The following DNER variants were observed in gnomAD, a reference collection of about 807,000 sequenced individuals.
DNER encodes the protein delta and Notch-like epidermal growth factor-related receptor.
Under a neutral mutation model 78.2 loss-of-function variants are expected in DNER, and 33 were observed. The ratio of observed to expected loss-of-function variants is 0.42; its 90% CI spans 0.32 to 0.56. The LOEUF (loss-of-function observed/expected upper bound fraction) is 0.56, where lower values mean the gene tolerates loss of function less well. Ranked by LOEUF, DNER falls within the 20% of genes least tolerant of loss-of-function variation. DNER has a pLI of 0.11. For missense variants in DNER, 918 were observed against 975.3 expected (o/e 0.94, Z 0.78); for synonymous variants, 417 against 384.8 (o/e 1.08, Z -0.98).
At chr2:229,483,519 T>C (rs1382363262) in intron 6 of DNER, among the ~76,000 whole-genome samples, 4 of 152,214 alleles carry the variant, frequency 2.6e-5, no homozygotes, top group African/African-American at 4.8e-5. Flanking sequence ...TGGTTTTTGA[T>C]TGATGAATTT....
At chr2:229,613,822 C>A (rs1698096577) in intron 1 of DNER, among the ~76,000 whole-genome samples, 1 of 152,124 alleles carries the variant, frequency 6.6e-6, no homozygotes, top group South Asian at 2.1e-4. Context: ...CATAGAGTAT[C>A]AAGCCCCCAA....
At chr2:229,657,038 C>T (rs1698925053) in intron 1 of DNER, among the ~76,000 whole-genome samples, 1 of 148,490 alleles carries the variant, frequency 6.7e-6, no homozygotes, top group Non-Finnish European at 1.5e-5. Context: ...GATCTACCCT[C>T]TTAGCACATT....
intron 7 of DNER, among the ~76,000 whole-genome samples, chr2:229,459,726 G>A (rs535925117): frequency 1.3e-5 from 2 of 152,078 alleles, no homozygotes; most frequent in South Asian, 4.1e-4. Context: ...TTGACAAGTC[G>A]AAAACGCCGT....
intron 9 of DNER, among the ~76,000 whole-genome samples, chr2:229,416,946 G>A (rs1299163027): frequency 6.6e-6 from 1 of 152,196 alleles, no homozygotes; most frequent in African/African-American, 2.4e-5. Flanking sequence ...GGAGCAAGGG[G>A]AAAGAAGGAG....
At chr2:229,613,064 A>C (rs1310265816) in intron 1 of DNER, among the ~76,000 whole-genome samples, 2 of 152,222 alleles carry the variant, frequency 1.3e-5, no homozygotes. Context: ...AATGTCCAAC[A>C]TGAGATACTG....
At chr2:229,390,329 A>G (rs879853266) in intron 10 of DNER, among the ~76,000 whole-genome samples, 1 of 152,238 alleles carries the variant, frequency 6.6e-6, no homozygotes, top group Non-Finnish European at 1.5e-5. Context: ...TCCAATGTCA[A>G]TGACATATGC....
At chr2:229,505,828 G>A (rs920895648) in intron 6 of DNER, among the ~76,000 whole-genome samples, 2 of 152,140 alleles carry the variant, frequency 1.3e-5, no homozygotes, top group African/African-American at 4.8e-5. Flanking sequence ...AATGCACAAA[G>A]GCACCTATAT....
chr2:229,537,101 G>A (rs143095124), intron 5 of DNER, among the ~76,000 whole-genome samples: 15 of 152,220 alleles, frequency 9.9e-5, no homozygotes, highest in East Asian at 3.9e-4. Context: ...CATTGCTTGC[G>A]TAGCATCTCG....
chr2:229,597,663 C>A (rs1324764275), intron 1 of DNER, among the ~76,000 whole-genome samples: 1 of 151,988 alleles, frequency 6.6e-6, no homozygotes, highest in Admixed American at 6.6e-5. Context: ...TTTGTAATAC[C>A]AGCTATAATA....
At chr2:229,389,396 TGAAGA>T (rs1251318964) in intron 10 of DNER, among the ~76,000 whole-genome samples, 1 of 147,228 alleles carries the variant, frequency 6.8e-6, no homozygotes, top group Non-Finnish European at 1.5e-5. Flanking sequence ...TCATTAAAGC[TGAAGA>T]GAAGAGGATA....
chr2:229,370,780 G>A (rs1051388492), intron 11 of DNER, among the ~76,000 whole-genome samples: 15 of 152,112 alleles, frequency 9.9e-5, no homozygotes, highest in Admixed American at 7.2e-4. Flanking sequence ...CCTCCAACTC[G>A]GTAGAGTGCT....
intron 1 of DNER, among the ~76,000 whole-genome samples, chr2:229,647,707 T>C (rs1698743171): frequency 3.3e-5 from 5 of 152,252 alleles, no homozygotes; most frequent in Admixed American, 2.0e-4. Flanking sequence ...AATTACAATA[T>C]ATCTGGATGA....
intron 4 of DNER, among the ~76,000 whole-genome samples, chr2:229,560,991 A>T (rs1220149750): frequency 6.6e-6 from 1 of 152,130 alleles, no homozygotes; most frequent in African/African-American, 2.4e-5. Flanking sequence ...CCAGGATTTC[A>T]TGTAGAGTAT....
intron 1 of DNER, among the ~76,000 whole-genome samples, chr2:229,601,345 C>T (rs1486578410): frequency 6.6e-6 from 1 of 152,096 alleles, no homozygotes; most frequent in Non-Finnish European, 1.5e-5. Flanking sequence ...AAAAAAAAAT[C>T]ACTATAGTGC....
rs889393802 is a variant in DNER at position 229,586,847 on chromosome 2, C to T, written c.681-823G>A. 1.8e-5 allele frequency: 18 copies of T among 985,458 alleles called. No homozygotes were observed. In the Admixed American group the frequency reaches 3.7e-4, roughly 20 times the overall value. The allele number at this position is 985,458 out of a possible 1,614,324, so 61.0% of individuals were successfully genotyped here. ...AGATCACAGTAGACTCCGCACAGATCCGCTCCCCCAGCACAGGGCTCCTGG... is the reference window on the plus strand; with the variant it reads ...AGATCACAGTAGACTCCGCACAGATTCGCTCCCCCAGCACAGGGCTCCTGG... On this transcript the variant is annotated intron_variant, in intron 3 of 12. Coordinates refer to ENST00000341772, the MANE Select transcript of DNER (RefSeq NM_139072.4).
chr2:229,525,080 T>C (rs1480882034), intron 5 of DNER, among the ~76,000 whole-genome samples: 1 of 152,186 alleles, frequency 6.6e-6, no homozygotes, highest in Non-Finnish European at 1.5e-5. Flanking sequence ...CTCATTCCCA[T>C]GGGGCTCTTT....
At chr2:229,551,422 T>A (rs1476329431) in intron 4 of DNER, among the ~76,000 whole-genome samples, 10 of 150,276 alleles carry the variant, frequency 6.7e-5, no homozygotes, top group African/African-American at 2.5e-4. Context: ...TCACCTGAGG[T>A]CAGGATTTCA....
At chr2:229,367,487 G>A (rs969710858) in intron 11 of DNER, among the ~76,000 whole-genome samples, 2 of 152,128 alleles carry the variant, frequency 1.3e-5, no homozygotes, top group Non-Finnish European at 2.9e-5. Flanking sequence ...TGTAATCCCA[G>A]CTACTCGGGA....
intron 1 of DNER, among the ~76,000 whole-genome samples, chr2:229,599,731 T>C (rs1335816498): frequency 6.6e-6 from 1 of 152,196 alleles, no homozygotes; most frequent in African/African-American, 2.4e-5. Flanking sequence ...AAATCCCTTA[T>C]TATAGAAAGA....
Sources: allele counts gnomAD v4.1 joint callset (sites outside exome capture counted in the v4.1 genomes callset), GRCh38; gene constraint gnomAD v4.1.1; transcripts MANE v1.5; gene names NCBI Gene and HGNC (gene_info 2026-07-23, HGNC 2026-07-21).